Variants in BLTP1 observed in about 807,000 individuals in gnomAD.
BLTP1 encodes bridge-like lipid transfer protein family member 1.
chr4:122,213,681 A>G, the BLTP1 span, among the ~76,000 whole-genome samples: 1 of 152,166 alleles, frequency 6.6e-6, no homozygotes, highest in Non-Finnish European at 1.5e-5. Flanking sequence ...TGGCATTATC[A>G]TTAAAAAAAT....
chr4:122,217,974 C>A, the BLTP1 span, among the ~76,000 whole-genome samples: 5 of 152,250 alleles, frequency 3.3e-5, no homozygotes, highest in South Asian at 1.0e-3. Context: ...TTATCCATCT[C>A]CTCTGGATTT....
At chr4:122,206,997 TTTAG>T in the BLTP1 span, 1 of 934,544 alleles carries the variant, frequency 1.1e-6, no homozygotes, top group Non-Finnish European at 1.6e-6. Context: ...ATAAAATTTT[TTTAG>T]TTACACAAAA....
the BLTP1 span, among the ~76,000 whole-genome samples, chr4:122,330,711 G>A: frequency 6.6e-6 from 1 of 151,768 alleles, no homozygotes. Context: ...AGCTTTTTTA[G>A]TTTGATGTTG....
At chr4:122,188,852 T>G in the BLTP1 span, 10 of 680,644 alleles carry the variant, frequency 1.5e-5, no homozygotes, top group Admixed American at 6.3e-5. Flanking sequence ...TGAGGTTTTA[T>G]GTGAAACATG....
the BLTP1 span, chr4:122,263,485 A>C: frequency 6.2e-7 from 1 of 1,610,604 alleles, no homozygotes; most frequent in Non-Finnish European, 8.5e-7. Flanking sequence ...ATCCCTTGCT[A>C]TCTGAGCCAT....
At chr4:122,178,980 T>C in the BLTP1 span, among the ~76,000 whole-genome samples, 3 of 152,160 alleles carry the variant, frequency 2.0e-5, no homozygotes, top group African/African-American at 7.2e-5. Context: ...TGTAAGCATT[T>C]AAAAAGCACC....
At chr4:122,237,470 A>T in the BLTP1 span, 4 of 630,122 alleles carry the variant, frequency 6.3e-6, no homozygotes, top group South Asian at 2.1e-4. Context: ...AAAATGATAC[A>T]GTCCCTGTCA....
the BLTP1 span, chr4:122,246,592 T>A: frequency 7.0e-7 from 1 of 1,430,566 alleles, no homozygotes; most frequent in Non-Finnish European, 9.6e-7. Context: ...AGATATGCCA[T>A]TCTTAACAGT....
the BLTP1 span, chr4:122,330,788 G>T: frequency 1.9e-5 from 3 of 155,242 alleles, no homozygotes; most frequent in Admixed American, 6.6e-5. Flanking sequence ...GCCAAGACCA[G>T]TGTTATGAAG....
At chr4:122,174,462 G>T in the BLTP1 span, 1 of 1,480,432 alleles carries the variant, frequency 6.8e-7, no homozygotes, top group African/African-American at 1.4e-5. Flanking sequence ...GGAAGAGAGT[G>T]AGAAGAGATG....
the BLTP1 span, among the ~76,000 whole-genome samples, chr4:122,360,872 T>C: frequency 3.3e-5 from 5 of 152,206 alleles, no homozygotes; most frequent in African/African-American, 1.2e-4. Flanking sequence ...AGCATAAAAA[T>C]AGTTACCATA....
chr4:122,182,534 C>A, the BLTP1 span: 1 of 495,024 alleles, frequency 2.0e-6, no homozygotes, highest in Non-Finnish European at 2.6e-6. Flanking sequence ...GAGCTCCCCT[C>A]CGCTCCACAT....
the BLTP1 span, among the ~76,000 whole-genome samples, chr4:122,275,655 A>G: frequency 5.9e-5 from 9 of 152,268 alleles, no homozygotes; most frequent in South Asian, 1.0e-3. Flanking sequence ...GATTTTTGGT[A>G]AAGTATTATA....
At chr4:122,152,981 A>C in the BLTP1 span, 14 of 985,324 alleles carry the variant, frequency 1.4e-5, no homozygotes, top group Non-Finnish European at 1.7e-5. Context: ...CGGTTGACCG[A>C]GGGCGGGGAA....
At chr4:122,267,051 ATTTTTTTTT>A in the BLTP1 span, 3,006 of 152,242 alleles carry the variant, frequency 0.02, 88 homozygotes, top group South Asian at 0.054. Context: ...TAAGGAAGTA[ATTTTTTTTT>A]TTTTTTTTTT....
chr4:122,246,320 A>G, the BLTP1 span: 1 of 1,536,210 alleles, frequency 6.5e-7, no homozygotes, highest in Non-Finnish European at 8.7e-7. Context: ...ATATTTAAAA[A>G]TTTTTTCCTG....
the BLTP1 span, among the ~76,000 whole-genome samples, chr4:122,258,280 T>C: frequency 7.9e-5 from 12 of 152,214 alleles, no homozygotes; most frequent in Non-Finnish European, 1.6e-4. Flanking sequence ...TTACCAAGCT[T>C]AGTTTTAAAA....
At chr4:122,268,569 A>G in the BLTP1 span, among the ~76,000 whole-genome samples, 4 of 152,098 alleles carry the variant, frequency 2.6e-5, no homozygotes, top group Admixed American at 1.3e-4. Flanking sequence ...AGATATTAAG[A>G]GTGTCTCAAA....
At chr4:122,211,069 C>T in the BLTP1 span, 2 of 1,612,492 alleles carry the variant, frequency 1.2e-6, no homozygotes, top group Non-Finnish European at 1.7e-6. Context: ...CTATGGACCT[C>T]TACTAAATGC....
Sources: allele counts gnomAD v4.1 joint callset (sites outside exome capture counted in the v4.1 genomes callset), GRCh38; gene constraint gnomAD v4.1.1; transcripts MANE v1.5; gene names NCBI Gene and HGNC (gene_info 2026-07-23, HGNC 2026-07-21).